The following SUMF1 variants were observed in gnomAD, a reference collection of about 807,000 sequenced individuals.
The protein encoded by SUMF1 is formylglycine-generating enzyme.
SUMF1 carries 48 observed loss-of-function variants against 47.6 expected under a neutral mutation model. That is an observed-to-expected ratio of 1.01 (90% CI 0.80 to 1.28). SUMF1 has a LOEUF of 1.28. SUMF1 is among the 50% of genes most tolerant of loss of function. The pLI is 0.00. For synonymous variants in SUMF1, 230 were observed against 192.1 expected (o/e 1.20, Z -1.63); for missense variants, 571 against 485.4 (o/e 1.18, Z -1.66).
chr3:4,236,007 A>G (rs1696400165), intron 8 of SUMF1, among the ~76,000 whole-genome samples: 1 of 152,014 alleles, frequency 6.6e-6, no homozygotes, highest in Admixed American at 6.6e-5. Flanking sequence ...CAGCGATAGG[A>G]TTTTGGCTCA....
Position 4,364,539 on chromosome 3 carries a change from T to C in SUMF1, c.1015-2285A>G, listed in dbSNP as rs1699882548. Among the ~76,000 whole-genome samples the C allele has an allele frequency of 2.6e-5, 4 of 150,994 alleles. No homozygotes were observed. The South Asian group carries it at 8.5e-4, about 32-fold the overall frequency. ...AGGTGTTTGTAGTATTCTCTGATGGTAGTTTGTATTTCTGTGGGATCGGTG... is the reference window on the plus strand; with the variant it reads ...AGGTGTTTGTAGTATTCTCTGATGGCAGTTTGTATTTCTGTGGGATCGGTG... On this transcript the variant is annotated intron_variant, in intron 8 of 8. Coordinates refer to ENST00000272902, the MANE Select transcript of SUMF1 (RefSeq NM_182760.4).
chr3:4,242,022 A>G (rs763010152), intron 8 of SUMF1, among the ~76,000 whole-genome samples: 1 of 152,082 alleles, frequency 6.6e-6, no homozygotes, highest in Non-Finnish European at 1.5e-5. Context: ...CTTGGAAAGG[A>G]AAAGGGAAGA....
intron 8 of SUMF1, among the ~76,000 whole-genome samples, chr3:4,265,110 C>A (rs1697163006): frequency 8.0e-6 from 1 of 124,680 alleles, no homozygotes; most frequent in South Asian, 2.4e-4. Context: ...GCACTCCAGA[C>A]TGGGTGACAG....
At chr3:4,110,711 G>A (rs973386214) in intron 8 of SUMF1, among the ~76,000 whole-genome samples, 2 of 151,736 alleles carry the variant, frequency 1.3e-5, no homozygotes, top group African/African-American at 4.9e-5. Flanking sequence ...GATGAAGCTG[G>A]AAACCATCAT....
chr3:4,320,079 T>G (rs1479085005), intron 8 of SUMF1, among the ~76,000 whole-genome samples: 1 of 152,212 alleles, frequency 6.6e-6, no homozygotes, highest in Non-Finnish European at 1.5e-5. Flanking sequence ...GGTGTATACA[T>G]GACATTGTGT....
chr3:4,088,211 C>T (rs185581640), intron 8 of SUMF1, among the ~76,000 whole-genome samples: 27 of 152,172 alleles, frequency 1.8e-4, no homozygotes, highest in African/African-American at 6.5e-4. Flanking sequence ...CCAGACCACT[C>T]CTTCTTCCAT....
At chr3:4,169,265 C>T (rs1382677981) in intron 8 of SUMF1, among the ~76,000 whole-genome samples, 1 of 152,148 alleles carries the variant, frequency 6.6e-6, no homozygotes, top group African/African-American at 2.4e-5. Flanking sequence ...ATGTTGAAGT[C>T]CTAATCCCCA....
At chr3:4,112,930 G>T (rs1693342580) in intron 8 of SUMF1, among the ~76,000 whole-genome samples, 2 of 152,108 alleles carry the variant, frequency 1.3e-5, no homozygotes, top group Non-Finnish European at 2.9e-5. Context: ...AATACTGAAT[G>T]CCAGTCTGCA....
At chr3:4,236,885 T>C (rs1696421426) in intron 8 of SUMF1, among the ~76,000 whole-genome samples, 1 of 152,130 alleles carries the variant, frequency 6.6e-6, no homozygotes, top group Non-Finnish European at 1.5e-5. Flanking sequence ...AAACTCTGTG[T>C]TCCACCTATT....
chr3:4,331,073 T>C (rs1035782726), intron 8 of SUMF1, among the ~76,000 whole-genome samples: 2 of 152,186 alleles, frequency 1.3e-5, no homozygotes, highest in Non-Finnish European at 2.9e-5. Context: ...ATACAATTCC[T>C]TTCACAAGGT....
chr3:4,194,996 T>C (rs1172400126), intron 8 of SUMF1, among the ~76,000 whole-genome samples: 1 of 152,166 alleles, frequency 6.6e-6, no homozygotes, highest in African/African-American at 2.4e-5. Flanking sequence ...AAGTCACTTA[T>C]TTAAAGTAAA....
intron 8 of SUMF1, among the ~76,000 whole-genome samples, chr3:4,114,081 A>G (rs61643891): frequency 0.05 from 7,641 of 152,212 alleles, 530 homozygotes; most frequent in East Asian, 0.15. Context: ...TTTCTTGGGT[A>G]GAAGGTGGGA....
chr3:4,147,700 G>C (rs1490516238), intron 8 of SUMF1, among the ~76,000 whole-genome samples: 2 of 152,074 alleles, frequency 1.3e-5, no homozygotes, highest in Non-Finnish European at 2.9e-5. Context: ...TACAGAACCA[G>C]ATGCTTCCTT....
intron 8 of SUMF1, among the ~76,000 whole-genome samples, chr3:4,371,542 A>G (rs1460363475): frequency 6.6e-6 from 1 of 152,190 alleles, no homozygotes; most frequent in African/African-American, 2.4e-5. Context: ...AGAGGTCTCA[A>G]TTTCCCGTCC....
chr3:4,397,013 C>T (rs1701060173), intron 7 of SUMF1, among the ~76,000 whole-genome samples: 1 of 152,198 alleles, frequency 6.6e-6, no homozygotes, highest in Admixed American at 6.5e-5. Flanking sequence ...GAAACTTTCT[C>T]ATCATCTACT....
chr3:4,279,247 A>T (rs1452576471), intron 8 of SUMF1, among the ~76,000 whole-genome samples: 1 of 152,178 alleles, frequency 6.6e-6, no homozygotes, highest in Non-Finnish European at 1.5e-5. Flanking sequence ...ATAGTTCATT[A>T]AAAGTCAGAT....
chr3:4,270,875 C>T (rs1191404858), intron 8 of SUMF1, among the ~76,000 whole-genome samples: 1 of 152,148 alleles, frequency 6.6e-6, no homozygotes, highest in Non-Finnish European at 1.5e-5. Flanking sequence ...GCATTTCACC[C>T]AGGAGAAGAG....
At chr3:4,108,734 T>G (rs2125067486) in intron 8 of SUMF1, among the ~76,000 whole-genome samples, 1 of 152,268 alleles carries the variant, frequency 6.6e-6, no homozygotes, top group Non-Finnish European at 1.5e-5. Context: ...TATCAGAGAC[T>G]AGGATTGCAA....
At chr3:4,155,371 C>G (rs889448904) in intron 8 of SUMF1, among the ~76,000 whole-genome samples, 1 of 151,582 alleles carries the variant, frequency 6.6e-6, no homozygotes, top group Non-Finnish European at 1.5e-5. Flanking sequence ...GCAAAAATTC[C>G]TTCTTCATAT....
Sources: gnomAD v4.1 joint callset for allele counts (sites outside exome capture counted in the v4.1 genomes callset) on GRCh38, gnomAD v4.1.1 for gene constraint, MANE v1.5 for transcripts, NCBI Gene and HGNC (gene_info 2026-07-23, HGNC 2026-07-21) for gene names.